The following PPFIA1 variants were observed in gnomAD, a reference collection of about 807,000 sequenced individuals.
The protein encoded by PPFIA1 is PPFI scaffold protein A1.
PPFIA1 carries 25 observed loss-of-function variants against 149.9 expected under a neutral mutation model. The observed-to-expected ratio is 0.17, with a 90% CI of 0.12 to 0.23. PPFIA1 has a LOEUF of 0.23. Ranked by LOEUF, PPFIA1 falls within the 10% of genes least tolerant of loss-of-function variation. PPFIA1 has a pLI of 1.00. For synonymous variants in PPFIA1, 549 were observed against 552.8 expected, an observed-to-expected ratio of 0.99 and a Z score of 0.10; for missense variants, 1,362 against 1,506.5, an observed-to-expected ratio of 0.90 and a Z score of 1.59.
intron 2 of PPFIA1, among the ~76,000 whole-genome samples, chr11:70,290,969 T>A (rs1017290351): frequency 6.6e-6 from 1 of 152,214 alleles, no homozygotes; most frequent in Non-Finnish European, 1.5e-5. Context: ...TACTGCAACC[T>A]CTGCCTACCA....
chr11:70,307,693 G>A (rs2136453445), intron 2 of PPFIA1, among the ~76,000 whole-genome samples: 1 of 152,334 alleles, frequency 6.6e-6, no homozygotes, highest in Non-Finnish European at 1.5e-5. Context: ...AGCCATGGCA[G>A]GAGGATCCCT....
intron 2 of PPFIA1, among the ~76,000 whole-genome samples, chr11:70,310,218 G>A (rs1167830846): frequency 6.6e-6 from 1 of 152,128 alleles, no homozygotes; most frequent in Admixed American, 6.5e-5. Context: ...AAAGTGGCTG[G>A]CAATGCCACT....
rs1220932413 is a variant in PPFIA1, at chr11:70,384,296, T to A, written c.*1306T>A. ...TATTAATCTTTTGTCAACTTCCTGA[T>A]TATGTAACAAAGTATGTACAGTCTA... is the stretch of plus-strand genomic sequence containing the variant. On this transcript the variant is annotated 3_prime_UTR_variant, in exon 28 of 28. Transcript: ENST00000253925. 6.6e-6 allele frequency: 1 copy of A among 152,670 alleles called. No individual in the cohort carries two copies. The highest frequency in any genetic ancestry group is 1.5e-5 in the Non-Finnish European group (1 of 68,050). The allele number at this position is 152,670 out of a possible 1,614,324, so 9.5% of individuals were successfully genotyped here. A position where few individuals can be genotyped will look rare whatever the true frequency, so the allele number is the denominator to read the frequency against.
chr11:70,347,990 G>A (rs571799536), intron 15 of PPFIA1, among the ~76,000 whole-genome samples, 199 bp from the exon 16 acceptor site: 62 of 152,248 alleles, frequency 4.1e-4, no homozygotes, highest in African/African-American at 1.3e-3. Flanking sequence ...GCAACAGAGC[G>A]AGACTCCATC....
chr11:70,341,220 G>C (rs1282078170), intron 14 of PPFIA1: 2 of 323,754 alleles, frequency 6.2e-6, no homozygotes, highest in Non-Finnish European at 1.2e-5. Flanking sequence ...GCGGCCCTGA[G>C]TTGTGGAGTG....
intron 2 of PPFIA1, among the ~76,000 whole-genome samples, chr11:70,316,175 G>A (rs1167936318): frequency 6.6e-6 from 1 of 152,076 alleles, no homozygotes; most frequent in Non-Finnish European, 1.5e-5. Context: ...AGGTTCAAGT[G>A]ATTCTCATGC....
At chr11:70,283,919 T>G (rs770344701) in intron 2 of PPFIA1, 1 of 484,386 alleles carries the variant, frequency 2.1e-6, no homozygotes, top group Non-Finnish European at 4.3e-6. Context: ...CCCCAAATGT[T>G]GGAAGTGTCC....
chr11:70,270,698 G>C lies in PPFIA1; in HGVS notation c.-217G>C, dbSNP rs1444752169. 14 of 151,460 alleles carry C rather than the reference G, an allele frequency of 9.2e-5. No individual in the cohort carries two copies. In the East Asian group the frequency reaches 2.7e-3, roughly 30 times the overall value. The allele number at this position is 151,460 out of a possible 1,614,324, so 9.4% of individuals were successfully genotyped here. A position where few individuals can be genotyped will look rare whatever the true frequency, so the allele number is the denominator to read the frequency against. On this transcript the variant is annotated 5_prime_UTR_variant, in exon 1 of 28. Transcript: ENST00000253925. ...CTCGACGTCGGGCACGTAGACGCCGGCGCCGCGCAGCCGGGCCCGCTCCTC... is the reference window on the plus strand; with the variant it reads ...CTCGACGTCGGGCACGTAGACGCCGCCGCCGCGCAGCCGGGCCCGCTCCTC...
At chr11:70,291,282 A>G (rs1351659507) in intron 2 of PPFIA1, among the ~76,000 whole-genome samples, 2 of 152,252 alleles carry the variant, frequency 1.3e-5, no homozygotes, top group Non-Finnish European at 2.9e-5. Flanking sequence ...AGCCGAGGTC[A>G]TGGTATCCTA....
chr11:70,309,885 G>A lies in PPFIA1; in HGVS notation c.265-14517G>A, dbSNP rs1297730233. Among the ~76,000 whole-genome samples the A allele has an allele frequency of 2.0e-5, 3 of 152,018 alleles. No homozygotes were observed. The East Asian group carries it at 5.8e-4, about 29-fold the overall frequency. On this transcript the variant is annotated intron_variant, in intron 2 of 27. Coordinates refer to ENST00000253925, the MANE Select transcript of PPFIA1 (RefSeq NM_003626.5). Reference sequence around the variant, plus strand: ...GGTGGTGATTGCTGATAGGTATGGGGTTTTTTTGGGGGGTGACGAAAATGT... The same window carrying A: ...GGTGGTGATTGCTGATAGGTATGGGATTTTTTTGGGGGGTGACGAAAATGT...
At chr11:70,284,563 G>A (rs919475637) in intron 2 of PPFIA1, among the ~76,000 whole-genome samples, 1 of 152,200 alleles carries the variant, frequency 6.6e-6, no homozygotes, top group African/African-American at 2.4e-5. Flanking sequence ...TGCAGGTTGC[G>A]AGACACATCC....
chr11:70,326,443 C>T, intron 6 of PPFIA1, 80 bp downstream of exon 6: 1 of 1,371,162 alleles, frequency 7.3e-7, no homozygotes. Context: ...AAAACAGTTG[C>T]TAAAGTACCG....
intron 15 of PPFIA1, among the ~76,000 whole-genome samples, chr11:70,347,273 C>T (rs2055761868): frequency 6.6e-6 from 1 of 152,080 alleles, no homozygotes; most frequent in Admixed American, 6.5e-5. Context: ...TTAATTGCAA[C>T]CATAGGAAAA....
At chr11:70,329,160 C>G (rs956168195) in intron 7 of PPFIA1, among the ~76,000 whole-genome samples, 1 of 152,098 alleles carries the variant, frequency 6.6e-6, no homozygotes, top group Non-Finnish European at 1.5e-5. Context: ...GAGGCCGCAC[C>G]CTGTCCTGTG....
At chr11:70,366,422 T>C (rs865971744) in intron 21 of PPFIA1, among the ~76,000 whole-genome samples, 22 of 152,248 alleles carry the variant, frequency 1.4e-4, no homozygotes, top group Admixed American at 5.2e-4. Context: ...ATCCTAATAC[T>C]ATGTCCACTT....
At chr11:70,371,510 G>T in intron 21 of PPFIA1, 1 of 158,760 alleles carries the variant, frequency 6.3e-6, no homozygotes, top group African/African-American at 2.4e-5. Context: ...TGGGTGGCGT[G>T]TTCTACATTC....
In PPFIA1 at chr11:70,362,479, A is replaced by T; in HGVS notation, c.2856A>T (p.Thr952=). The T allele has an allele frequency of 6.2e-7, 1 of 1,609,456 alleles. No homozygotes were observed. Among genetic ancestry groups the T allele is most frequent in the African/African-American group, 1.3e-5 (1 of 74,936 alleles). The change falls in exon 21 of 28, where the codon ACA becomes ACT. Residue 952 remains threonine (T), a synonymous_variant. Transcript: ENST00000253925. ...TGACCAGCCCGTCTGCCCCGCCCAC[A>T]TCTAGAACGGTACGTTCAGAGACAA... is the stretch of plus-strand genomic sequence containing the variant. ...MSLTSPSAPP[T]SRTTLAYGDM...
At chr11:70,281,728 A>G (rs1435884194) in intron 2 of PPFIA1, among the ~76,000 whole-genome samples, 2 of 152,198 alleles carry the variant, frequency 1.3e-5, no homozygotes, top group Non-Finnish European at 2.9e-5. Context: ...ACTGACAGAA[A>G]GAGTGGGGGC....
intron 16 of PPFIA1, among the ~76,000 whole-genome samples, chr11:70,350,696 C>G (rs2137266167): frequency 6.6e-6 from 1 of 152,192 alleles, no homozygotes; most frequent in African/African-American, 2.4e-5. Flanking sequence ...AGAGGTTTGG[C>G]TTAGAATAGA....
Sources: gnomAD v4.1 joint callset for allele counts (sites outside exome capture counted in the v4.1 genomes callset) on GRCh38, gnomAD v4.1.1 for gene constraint, MANE v1.5 for transcripts, NCBI Gene and HGNC (gene_info 2026-07-23, HGNC 2026-07-21) for gene names.